The following MBNL1 variants were observed in gnomAD, a reference collection of about 807,000 sequenced individuals.
MBNL1 encodes muscleblind-like protein 1.
Under a neutral mutation model 42.2 loss-of-function variants are expected in MBNL1, and 8 were observed. The ratio of observed to expected loss-of-function variants is 0.19; its 90% CI spans 0.11 to 0.34. MBNL1 has a LOEUF of 0.34. Ranked by LOEUF, MBNL1 falls within the 10% of genes least tolerant of loss-of-function variation. The pLI is 1.00. For missense variants in MBNL1, 309 were observed against 495.3 expected (o/e 0.62, Z 3.57); for synonymous variants, 169 against 173.9 (o/e 0.97, Z 0.22).
Position 152,268,976 on chromosome 3 carries a change from A to C in MBNL1, c.-906A>C, listed in dbSNP as rs1487639248. On this transcript the variant is annotated 5_prime_UTR_variant, in exon 1 of 10. An upstream start codon of the reference 5' UTR is lost. Coordinates refer to ENST00000324210, the MANE Select transcript of MBNL1 (RefSeq NM_021038.5). ...GAGTTGTGGCGCCCACAATGCTCCC[A>C]TGACAAGGAGCTGACAAGTTCCATT... 4.4e-6 allele frequency: 2 copies of C among 456,240 alleles called. No individual in the cohort carries two copies. Among genetic ancestry groups the C allele is most frequent in the Admixed American group, 4.7e-5 (2 of 42,590 alleles). 28.3% of individuals were successfully genotyped at this position (456,240 alleles called of 1,614,324 possible). A position where few individuals can be genotyped will look rare whatever the true frequency, so the allele number is the denominator to read the frequency against.
At chr3:152,327,582 C>T (rs2152529374) in intron 2 of MBNL1, among the ~76,000 whole-genome samples, 1 of 152,230 alleles carries the variant, frequency 6.6e-6, no homozygotes, top group African/African-American at 2.4e-5. Context: ...CTCCTGGCCT[C>T]AAGTGATCTG....
intron 4 of MBNL1, among the ~76,000 whole-genome samples, chr3:152,437,948 A>G (rs1177880537): frequency 1.3e-5 from 2 of 151,786 alleles, no homozygotes; most frequent in African/African-American, 2.4e-5. Flanking sequence ...TAATTTTTGT[A>G]TTTTCAGTGG....
chr3:152,431,075 G>T (rs568516466), intron 3 of MBNL1, among the ~76,000 whole-genome samples: 2 of 152,320 alleles, frequency 1.3e-5, no homozygotes, highest in East Asian at 3.9e-4. Flanking sequence ...CAAAGAGTTT[G>T]TTTCCCAAGC....
chr3:152,450,068 T>C (rs1719025797), intron 6 of MBNL1, among the ~76,000 whole-genome samples: 1 of 132,476 alleles, frequency 7.5e-6, no homozygotes. Context: ...ATCACTGCAC[T>C]CCAGCTTGGG....
chr3:152,341,635 T>G (rs1487613338), intron 2 of MBNL1, among the ~76,000 whole-genome samples: 1 of 152,192 alleles, frequency 6.6e-6, no homozygotes, highest in African/African-American at 2.4e-5. Flanking sequence ...TCCATACCGG[T>G]AGGCAATGAG....
chr3:152,443,736 A>G (rs1484396600), intron 4 of MBNL1, among the ~76,000 whole-genome samples: 1 of 152,192 alleles, frequency 6.6e-6, no homozygotes, highest in Non-Finnish European at 1.5e-5. Flanking sequence ...TCAATAAGAT[A>G]AATATGCTAA....
At position 152,297,352 on chromosome 3, in the gene MBNL1, T is replaced by G. The variant is rs1261456469; in HGVS notation, c.-789-2053T>G. ...TGAACACTGGGGATGAGGTTTTTTT[T>G]TTTTTTTTTTTGATGGAGTCTCACA... On this transcript the variant is annotated intron_variant, in intron 1 of 9. Coordinates refer to ENST00000324210, the MANE Select transcript of MBNL1 (RefSeq NM_021038.5). Among the ~76,000 whole-genome samples the G allele has an allele frequency of 3.3e-5, 5 of 149,626 alleles. No homozygotes were observed. The South Asian group carries it at 1.1e-3, about 32-fold the overall frequency.
chr3:152,370,914 C>T lies in MBNL1; in HGVS notation c.175-44027C>T, dbSNP rs569407219. ...GTCTTTGCATGTGAGATGGGTCTCC[C>T]GAATACAGCACACCAATGGATCTTG... On this transcript the variant is annotated intron_variant, in intron 2 of 9. Coordinates refer to ENST00000324210, the MANE Select transcript of MBNL1 (RefSeq NM_021038.5). Among the ~76,000 whole-genome samples the T allele has an allele frequency of 1.1e-4, 16 of 151,860 alleles. No individual in the cohort carries two copies. The South Asian group carries it at 3.1e-3, about 30-fold the overall frequency.
chr3:152,315,334 C>T (rs532588773), intron 2 of MBNL1, among the ~76,000 whole-genome samples: 2 of 152,190 alleles, frequency 1.3e-5, no homozygotes, highest in East Asian at 1.9e-4. Flanking sequence ...GGGGTTAACA[C>T]CTTTAGATTG....
chr3:152,339,769 A>G (rs2092620653), intron 2 of MBNL1: 1 of 152,186 alleles, frequency 6.6e-6, no homozygotes, highest in Non-Finnish European at 1.5e-5. Context: ...AATGAAAAAT[A>G]TTGATCTTTG....
chr3:152,271,644 A>G (rs2041984385), intron 1 of MBNL1, among the ~76,000 whole-genome samples: 1 of 152,174 alleles, frequency 6.6e-6, no homozygotes, highest in Non-Finnish European at 1.5e-5. Flanking sequence ...TAGGGTGGGT[A>G]GTAGATATGA....
chr3:152,372,282 G>A (rs187875088), intron 2 of MBNL1, among the ~76,000 whole-genome samples: 7 of 152,204 alleles, frequency 4.6e-5, no homozygotes, highest in Non-Finnish European at 7.4e-5. Flanking sequence ...CCCACCTTCC[G>A]AAGCCTACTT....
chr3:152,368,266 G>A (rs1198058138), intron 2 of MBNL1, among the ~76,000 whole-genome samples: 3 of 152,114 alleles, frequency 2.0e-5, no homozygotes, highest in Non-Finnish European at 4.4e-5. Context: ...ATTAAATAGG[G>A]AATTCTTTTC....
intron 2 of MBNL1, among the ~76,000 whole-genome samples, chr3:152,365,559 A>C (rs960216128): frequency 2.0e-5 from 3 of 152,128 alleles, no homozygotes; most frequent in African/African-American, 7.2e-5. Flanking sequence ...AGGATGTACT[A>C]GAGGTTAAGT....
At chr3:152,297,664 T>A (rs113351364) in intron 1 of MBNL1, among the ~76,000 whole-genome samples, 116 of 151,870 alleles carry the variant, frequency 7.6e-4, no homozygotes, top group African/African-American at 2.2e-3. Context: ...ATGGGTTTTT[T>A]AAATTTTTTT....
At chr3:152,370,124 C>T (rs114635934) in intron 2 of MBNL1, among the ~76,000 whole-genome samples, 54 of 152,214 alleles carry the variant, frequency 3.5e-4, no homozygotes, top group African/African-American at 1.3e-3. Context: ...ATCTTTCCTG[C>T]TTTCTCCTGT....
chr3:152,340,349 GA>G (rs2092815979), intron 2 of MBNL1: 2 of 689,954 alleles, frequency 2.9e-6, no homozygotes, highest in African/African-American at 1.8e-5. Context: ...TGCAAAAACT[GA>G]ACAATAGTAA....
chr3:152,447,490 C>A, intron 5 of MBNL1, 130 bp from the exon 6 acceptor site: 8 of 346,680 alleles, frequency 2.3e-5, no homozygotes, highest in Non-Finnish European at 3.1e-5. Context: ...TGGATTTTTT[C>A]CCTCGGGTAG....
intron 2 of MBNL1, among the ~76,000 whole-genome samples, chr3:152,364,455 T>G (rs2096231587): frequency 6.6e-6 from 1 of 152,062 alleles, no homozygotes; most frequent in Admixed American, 6.6e-5. Context: ...ATTACATGCC[T>G]GTCATCACAT....
Sources: gnomAD v4.1 joint callset for allele counts (sites outside exome capture counted in the v4.1 genomes callset) on GRCh38, gnomAD v4.1.1 for gene constraint, MANE v1.5 for transcripts, NCBI Gene and HGNC (gene_info 2026-07-23, HGNC 2026-07-21) for gene names.